Variants in SUPT3H observed in about 807,000 individuals in gnomAD.
SUPT3H encodes the protein transcription initiation protein SPT3 homolog.
In SUPT3H, 44 loss-of-function variants were observed where a neutral mutation model predicts 44.3. The ratio of observed to expected loss-of-function variants is 0.99; its 90% CI spans 0.78 to 1.28. The LOEUF (loss-of-function observed/expected upper bound fraction) is 1.28, where lower values mean the gene tolerates loss of function less well. SUPT3H is among the 50% of genes most tolerant of loss of function. The pLI is 0.00. For synonymous variants in SUPT3H, 124 were observed against 125.6 expected (o/e 0.99, Z 0.09); for missense variants, 380 against 387.1 (o/e 0.98, Z 0.15).
intron 2 of SUPT3H, among the ~76,000 whole-genome samples, chr6:45,219,454 C>T (rs1319476396): frequency 6.6e-6 from 1 of 151,984 alleles, no homozygotes; most frequent in Non-Finnish European, 1.5e-5. Flanking sequence ...AACGACATTA[C>T]CACAAATCCT....
chr6:44,894,064 G>T (rs857317), intron 10 of SUPT3H, among the ~76,000 whole-genome samples: 1 of 130,312 alleles, frequency 7.7e-6, no homozygotes, highest in East Asian at 2.2e-4. Flanking sequence ...CTTTTTGATG[G>T]GGTTGTTTGT....
At chr6:44,990,795 T>C (rs1323843866) in intron 6 of SUPT3H, among the ~76,000 whole-genome samples, 2 of 152,174 alleles carry the variant, frequency 1.3e-5, no homozygotes, top group Non-Finnish European at 1.5e-5. Flanking sequence ...TTGCAGATAT[T>C]TGTGTATGTA....
intron 9 of SUPT3H, among the ~76,000 whole-genome samples, chr6:44,934,724 G>A (rs1007975577): frequency 6.6e-6 from 1 of 152,188 alleles, no homozygotes; most frequent in Admixed American, 6.5e-5. Context: ...TATGAACCAG[G>A]AAGTGGGCCA....
chr6:45,281,414 G>A (rs1240533999), intron 2 of SUPT3H, among the ~76,000 whole-genome samples: 1 of 152,190 alleles, frequency 6.6e-6, no homozygotes, highest in South Asian at 2.1e-4. Flanking sequence ...TTTTCCAATG[G>A]TCTTAGCAAA....
At chr6:45,186,035 CA>C (rs1255420810) in intron 2 of SUPT3H, among the ~76,000 whole-genome samples, 1 of 152,152 alleles carries the variant, frequency 6.6e-6, no homozygotes, top group Non-Finnish European at 1.5e-5. Flanking sequence ...AAACCAGAGG[CA>C]AACAGGAAGG....
chr6:45,004,156 G>A (rs1161376173), intron 5 of SUPT3H, among the ~76,000 whole-genome samples: 1 of 151,994 alleles, frequency 6.6e-6, no homozygotes, highest in African/African-American at 2.4e-5. Context: ...AAAAAATGAT[G>A]AGTAAGGATA....
At chr6:45,221,022 A>G (rs1584336131) in intron 2 of SUPT3H, among the ~76,000 whole-genome samples, 1 of 152,156 alleles carries the variant, frequency 6.6e-6, no homozygotes, top group African/African-American at 2.4e-5. Context: ...GCACAAATAC[A>G]CCATAGAATA....
intron 2 of SUPT3H, among the ~76,000 whole-genome samples, chr6:45,175,679 G>T (rs913519803): frequency 6.6e-6 from 1 of 151,518 alleles, no homozygotes; most frequent in Non-Finnish European, 1.5e-5. Context: ...ACGATACCAT[G>T]GTGCTAGGCC....
At chr6:44,898,344 G>C (rs1012307005) in intron 10 of SUPT3H, among the ~76,000 whole-genome samples, 1 of 152,178 alleles carries the variant, frequency 6.6e-6, no homozygotes, top group South Asian at 2.1e-4. Flanking sequence ...TTCACACCTT[G>C]GTCTCCTGGA....
At chr6:45,307,321 T>G (rs1584830841) in intron 2 of SUPT3H, among the ~76,000 whole-genome samples, 2 of 152,118 alleles carry the variant, frequency 1.3e-5, no homozygotes, top group African/African-American at 4.8e-5. Flanking sequence ...GACTGCCTCC[T>G]CAAGTGGGTC....
intron 2 of SUPT3H, among the ~76,000 whole-genome samples, chr6:45,194,952 A>AACT (rs1815765711): frequency 6.6e-6 from 1 of 152,172 alleles, no homozygotes; most frequent in African/African-American, 2.4e-5. Context: ...AAAATGCTTT[A>AACT]ACTACTGTGA....
rs527728302 is a variant in SUPT3H, at chr6:44,885,661, G to C, written c.912+46992C>G. On this transcript the variant is annotated intron_variant, in intron 10 of 10. Transcript: ENST00000371459. Reference sequence around the variant, plus strand: ...CAAAAGAAGACAAAACCACAAAGATGGGGAAAAAACAGAGCAGAAAAACTG... The same window carrying C: ...CAAAAGAAGACAAAACCACAAAGATCGGGAAAAAACAGAGCAGAAAAACTG... Among the ~76,000 whole-genome samples the C allele has an allele frequency of 3.3e-5, 5 of 152,168 alleles. No homozygotes were observed. In the East Asian group the frequency reaches 9.6e-4, roughly 29 times the overall value.
intron 2 of SUPT3H, 113 bp from the exon 3 acceptor site, chr6:45,106,119 CCAAATGT>C: frequency 1.1e-6 from 1 of 903,158 alleles, no homozygotes; most frequent in Admixed American, 2.0e-5. Flanking sequence ...AATTGTTTGC[CCAAATGT>C]CTGAATGGGT....
intron 2 of SUPT3H, among the ~76,000 whole-genome samples, chr6:45,343,232 G>A (rs932497113): frequency 6.6e-5 from 10 of 151,960 alleles, no homozygotes; most frequent in Admixed American, 5.9e-4. Flanking sequence ...AATCTCAGCC[G>A]GGTGCAGTGG....
intron 4 of SUPT3H, among the ~76,000 whole-genome samples, chr6:45,016,542 G>C (rs1379752648): frequency 7.8e-6 from 1 of 127,980 alleles, no homozygotes; most frequent in Admixed American, 9.9e-5. Flanking sequence ...CCCTTACTGT[G>C]TCCATGTGTT....
At chr6:45,051,855 T>C (rs1790349691) in intron 3 of SUPT3H, among the ~76,000 whole-genome samples, 1 of 152,104 alleles carries the variant, frequency 6.6e-6, no homozygotes. Context: ...TACTCTAAAT[T>C]GAAGTTACAC....
At chr6:44,926,074 C>T (rs137917695) in intron 10 of SUPT3H, among the ~76,000 whole-genome samples, 2,720 of 151,996 alleles carry the variant, frequency 0.018, 52 homozygotes, top group South Asian at 0.092. Context: ...GAAAGACCCG[C>T]GATACGCTTG....
At chr6:45,282,600 T>C (rs1778360526) in intron 2 of SUPT3H, among the ~76,000 whole-genome samples, 1 of 152,172 alleles carries the variant, frequency 6.6e-6, no homozygotes, top group Admixed American at 6.5e-5. Flanking sequence ...AGACCAAATC[T>C]ACATCTGATT....
intron 2 of SUPT3H, among the ~76,000 whole-genome samples, chr6:45,226,767 G>C (rs1046593316): frequency 1.4e-4 from 21 of 152,082 alleles, no homozygotes; most frequent in African/African-American, 4.1e-4. Context: ...CTGACCTCAT[G>C]ATCCGCCCGC....
Sources: allele counts gnomAD v4.1 joint callset (sites outside exome capture counted in the v4.1 genomes callset), GRCh38; gene constraint gnomAD v4.1.1; transcripts MANE v1.5; gene names NCBI Gene and HGNC (gene_info 2026-07-23, HGNC 2026-07-21).